Variants in EPHA6 observed in about 807,000 individuals in gnomAD.
EPHA6 encodes the protein EPH receptor A6, also known as ephrin type-A receptor 6.
Under a neutral mutation model 112.0 loss-of-function variants are expected in EPHA6, and 50 were observed. The observed-to-expected ratio is 0.45, with a 90% CI of 0.36 to 0.56. EPHA6 has a LOEUF of 0.56. Ranked by LOEUF, EPHA6 falls within the 20% of genes least tolerant of loss-of-function variation. The pLI is 0.00. For synonymous variants in EPHA6, 529 were observed against 490.7 expected (o/e 1.08, Z -1.03); for missense variants, 1,280 against 1,417.4 (o/e 0.90, Z 1.56).
intron 2 of EPHA6, among the ~76,000 whole-genome samples, chr3:96,962,173 A>G (rs529635570): frequency 6.6e-6 from 1 of 152,186 alleles, no homozygotes; most frequent in Non-Finnish European, 1.5e-5. Flanking sequence ...GCCTTCACAC[A>G]CAGAGCTGAT....
At chr3:97,685,771 GAAC>G (rs1195542207) in intron 14 of EPHA6, among the ~76,000 whole-genome samples, 1 of 152,116 alleles carries the variant, frequency 6.6e-6, no homozygotes, top group Non-Finnish European at 1.5e-5. Flanking sequence ...TGTAAACGGC[GAAC>G]GATGATTACT....
At chr3:96,820,631 T>C (rs2033181074) in intron 1 of EPHA6, among the ~76,000 whole-genome samples, 1 of 152,232 alleles carries the variant, frequency 6.6e-6, no homozygotes, top group East Asian at 1.9e-4. Flanking sequence ...CAAAAATATG[T>C]AGCAAGGCTG....
At chr3:97,362,155 G>A (rs761308301) in intron 5 of EPHA6, among the ~76,000 whole-genome samples, 34 of 152,098 alleles carry the variant, frequency 2.2e-4, no homozygotes, top group Admixed American at 3.9e-4. Context: ...ATACTTCAAT[G>A]TGGAATGAGA....
At chr3:97,175,817 T>A (rs2076820221) in intron 3 of EPHA6, among the ~76,000 whole-genome samples, 1 of 151,842 alleles carries the variant, frequency 6.6e-6, no homozygotes, top group Admixed American at 6.6e-5. Context: ...TATATTAGGT[T>A]TTTCCAAATA....
Position 96,909,997 on chromosome 3 carries a change from C to T in EPHA6, c.450+43108C>T, listed in dbSNP as rs2039135004. ...CTGGCCATTTGTGCTTGCATAGTCG[C>T]ATAAATAGCTTGTTAATTACTGAGG... On this transcript the variant is annotated intron_variant, in intron 2 of 17. Transcript: ENST00000389672. 2.0e-5 allele frequency among the ~76,000 whole-genome samples: 3 copies of T among 152,078 alleles called. No individual in the cohort carries two copies. The South Asian group carries it at 6.2e-4, about 31-fold the overall frequency.
At chr3:96,961,124 G>T (rs888711697) in intron 2 of EPHA6, among the ~76,000 whole-genome samples, 1 of 152,240 alleles carries the variant, frequency 6.6e-6, no homozygotes, top group Non-Finnish European at 1.5e-5. Context: ...AAGAGGGCAG[G>T]TTTCATCTTG....
At chr3:97,669,783 A>G (rs1330542971) in intron 14 of EPHA6, among the ~76,000 whole-genome samples, 4 of 152,152 alleles carry the variant, frequency 2.6e-5, no homozygotes, top group Admixed American at 6.5e-5. Flanking sequence ...TGTATTTAGT[A>G]TTTTTACTTG....
chr3:96,827,910 A>G (rs1275552810), intron 1 of EPHA6, among the ~76,000 whole-genome samples: 2 of 152,232 alleles, frequency 1.3e-5, no homozygotes, highest in East Asian at 3.9e-4. Flanking sequence ...AAGGCTTGCA[A>G]GAACAGTCTA....
intron 3 of EPHA6, among the ~76,000 whole-genome samples, chr3:97,207,803 G>C (rs920588639): frequency 2.6e-5 from 4 of 152,094 alleles, no homozygotes; most frequent in Non-Finnish European, 5.9e-5. Context: ...CTTGTTATAG[G>C]TTCATGAAAT....
intron 2 of EPHA6, among the ~76,000 whole-genome samples, chr3:96,980,050 G>T (rs977412560): frequency 2.0e-5 from 3 of 152,154 alleles, no homozygotes; most frequent in African/African-American, 4.8e-5. Context: ...AAGCTCTTGA[G>T]TTTAATTAGA....
chr3:97,217,675 A>G (rs1267744883), intron 3 of EPHA6, among the ~76,000 whole-genome samples: 1 of 152,084 alleles, frequency 6.6e-6, no homozygotes, highest in Non-Finnish European at 1.5e-5. Flanking sequence ...CACAATATCC[A>G]ATCATATGCT....
intron 11 of EPHA6, among the ~76,000 whole-genome samples, chr3:97,557,391 A>C (rs2093126413): frequency 6.6e-6 from 1 of 151,774 alleles, no homozygotes; most frequent in Non-Finnish European, 1.5e-5. Context: ...AGCCATTTTC[A>C]TCTCTTTTTC....
At chr3:97,715,379 T>C (rs1247237880) in intron 14 of EPHA6, among the ~76,000 whole-genome samples, 3 of 152,228 alleles carry the variant, frequency 2.0e-5, no homozygotes, top group African/African-American at 7.2e-5. Context: ...AATTTGTATT[T>C]CAGAAAGAAA....
chr3:96,847,498 T>C (rs2035138357), intron 1 of EPHA6, among the ~76,000 whole-genome samples: 1 of 152,094 alleles, frequency 6.6e-6, no homozygotes, highest in Non-Finnish European at 1.5e-5. Context: ...CAAAATAAAG[T>C]AATGTTTCTC....
At chr3:96,963,309 A>G (rs1311410933) in intron 2 of EPHA6, among the ~76,000 whole-genome samples, 2 of 152,174 alleles carry the variant, frequency 1.3e-5, no homozygotes, top group African/African-American at 4.8e-5. Flanking sequence ...TCATTTTCAC[A>G]TAGAACACCA....
chr3:97,478,904 G>T (rs974757529), intron 8 of EPHA6, among the ~76,000 whole-genome samples: 5 of 150,282 alleles, frequency 3.3e-5, no homozygotes, highest in African/African-American at 1.2e-4. Flanking sequence ...TAAAACTGCT[G>T]AACCATCCTG....
intron 5 of EPHA6, among the ~76,000 whole-genome samples, chr3:97,398,897 A>G (rs1047356966): frequency 6.6e-6 from 1 of 151,556 alleles, no homozygotes; most frequent in Non-Finnish European, 1.5e-5. Flanking sequence ...TATACTGTGT[A>G]ATGATGAAAT....
In EPHA6 at chr3:96,952,189, C is replaced by T. The variant is rs927333216; in HGVS notation, c.451-35141C>T. Reference sequence around the variant, plus strand: ...AAGGTGAGCTACTTGTGGTCTGACGCGTGTTAAATAGCTTGATAAGCACTG... The same window carrying T: ...AAGGTGAGCTACTTGTGGTCTGACGTGTGTTAAATAGCTTGATAAGCACTG... On this transcript the variant is annotated intron_variant, in intron 2 of 17. Transcript: ENST00000389672. Among the ~76,000 whole-genome samples the T allele has an allele frequency of 3.9e-5, 6 of 152,256 alleles. No individual in the cohort carries two copies. The East Asian group carries it at 9.7e-4, about 24-fold the overall frequency.
intron 2 of EPHA6, among the ~76,000 whole-genome samples, chr3:96,877,322 T>A (rs1261543316): frequency 2.6e-5 from 4 of 152,050 alleles, no homozygotes; most frequent in African/African-American, 2.4e-5. Context: ...ATTCTCTCAC[T>A]AAAATAGAAG....
Sources: gnomAD v4.1 joint callset for allele counts (sites outside exome capture counted in the v4.1 genomes callset) on GRCh38, gnomAD v4.1.1 for gene constraint, MANE v1.5 for transcripts, NCBI Gene and HGNC (gene_info 2026-07-23, HGNC 2026-07-21) for gene names.